SNTG1: variants seen among roughly 807,000 people sequenced by gnomAD.
The protein encoded by SNTG1 is gamma-1-syntrophin.
A neutral mutation model predicts 74.7 loss-of-function variants in SNTG1; 39 were observed. The observed-to-expected ratio is 0.52, with a 90% CI of 0.40 to 0.68. SNTG1 has a LOEUF of 0.68. Ranked by LOEUF, SNTG1 falls within the 30% of genes least tolerant of loss-of-function variation. SNTG1 has a pLI of 0.00. For synonymous variants in SNTG1, 254 were observed against 217.1 expected, an observed-to-expected ratio of 1.17 and a Z score of -1.49; for missense variants, 685 against 609.5, an observed-to-expected ratio of 1.12 and a Z score of -1.30.
chr8:50,119,124 T>C (rs957159135), intron 1 of SNTG1, among the ~76,000 whole-genome samples: 1 of 141,640 alleles, frequency 7.1e-6, no homozygotes, highest in Non-Finnish European at 1.6e-5. Flanking sequence ...AGTAATTTTA[T>C]GTTAACTATT....
chr8:50,594,444 A>C (rs2094713496), intron 13 of SNTG1, among the ~76,000 whole-genome samples: 1 of 152,252 alleles, frequency 6.6e-6, no homozygotes, highest in Admixed American at 6.5e-5. Flanking sequence ...TATACAAAAT[A>C]ATATAATCAA....
chr8:50,759,816 C>G (rs2095592692), intron 18 of SNTG1, among the ~76,000 whole-genome samples: 1 of 151,844 alleles, frequency 6.6e-6, no homozygotes, highest in African/African-American at 2.4e-5. Flanking sequence ...TAGGATTGTC[C>G]TGGCTATGTG....
At chr8:50,734,220 T>G (rs1439184963) in intron 17 of SNTG1, among the ~76,000 whole-genome samples, 1 of 151,744 alleles carries the variant, frequency 6.6e-6, no homozygotes, top group Non-Finnish European at 1.5e-5. Flanking sequence ...GTTAATGTAG[T>G]AAGAAACAAA....
At chr8:50,678,996 G>T (rs2095320727) in intron 15 of SNTG1, among the ~76,000 whole-genome samples, 1 of 151,844 alleles carries the variant, frequency 6.6e-6, no homozygotes, top group Non-Finnish European at 1.5e-5. Flanking sequence ...TGGTTAAAAT[G>T]GTTTTTAAAT....
At chr8:50,301,430 T>A (rs969619842) in intron 2 of SNTG1, among the ~76,000 whole-genome samples, 2 of 152,140 alleles carry the variant, frequency 1.3e-5, no homozygotes, top group Admixed American at 6.6e-5. Context: ...ATGATGTCTA[T>A]CTCTTTATTG....
intron 15 of SNTG1, among the ~76,000 whole-genome samples, chr8:50,670,566 T>C (rs917621338): frequency 1.3e-5 from 2 of 148,750 alleles, no homozygotes; most frequent in Admixed American, 6.7e-5. Flanking sequence ...TGGAAGAACA[T>C]TCCATGCTCA....
At chr8:50,450,866 C>A (rs1196499675) in intron 8 of SNTG1, 137 bp downstream of exon 8, 8 of 833,360 alleles carry the variant, frequency 9.6e-6, no homozygotes, top group Non-Finnish European at 1.5e-5. Context: ...CAAATGTTCT[C>A]TTAATTTTTT....
At chr8:50,541,185 G>A (rs1542614) in intron 11 of SNTG1, among the ~76,000 whole-genome samples, 57,127 of 151,442 alleles carry the variant, frequency 0.38, 13,771 homozygotes, top group African/African-American at 0.69. Context: ...TTGCAAAACT[G>A]TAATACAATA....
intron 1 of SNTG1, among the ~76,000 whole-genome samples, chr8:50,072,366 C>A (rs1369440342): frequency 6.6e-6 from 1 of 152,050 alleles, no homozygotes. Context: ...TGGTTCTATT[C>A]CATTTTACAC....
rs554718748 is a variant in SNTG1 at position 50,274,166 on chromosome 8, C to A, written c.-28+101531C>A. Among the ~76,000 whole-genome samples the A allele has an allele frequency of 1.5e-4, 23 of 152,112 alleles. 1 individual carries two copies. The South Asian group carries it at 4.6e-3, about 30-fold the overall frequency. ...GCAATGGCGAGATCTTGGCTCACTG[C>A]ACCCTCGCCTCCCAGGTTCAAGCGA... is the stretch of plus-strand genomic sequence containing the variant. On this transcript the variant is annotated intron_variant, in intron 2 of 18. Transcript: ENST00000642720.
At chr8:50,067,902 T>A (rs1407766029) in intron 1 of SNTG1, among the ~76,000 whole-genome samples, 1 of 152,196 alleles carries the variant, frequency 6.6e-6, no homozygotes, top group Non-Finnish European at 1.5e-5. Flanking sequence ...GCTGCATGAA[T>A]GATTGCAGAT....
At chr8:50,554,822 TAG>T (rs968250846) in intron 12 of SNTG1, among the ~76,000 whole-genome samples, 2 of 152,148 alleles carry the variant, frequency 1.3e-5, no homozygotes, top group Non-Finnish European at 2.9e-5. Context: ...CAGAAATGAT[TAG>T]AGTTTCTTAA....
At chr8:50,455,500 C>A (rs2093496859) in intron 8 of SNTG1, among the ~76,000 whole-genome samples, 1 of 152,100 alleles carries the variant, frequency 6.6e-6, no homozygotes, top group Non-Finnish European at 1.5e-5. Flanking sequence ...GACTGAGTAA[C>A]TAAAAGTATG....
intron 12 of SNTG1, among the ~76,000 whole-genome samples, chr8:50,576,326 T>C (rs1164423596): frequency 2.0e-5 from 3 of 152,230 alleles, no homozygotes; most frequent in African/African-American, 4.8e-5. Context: ...TTCTATTCTA[T>C]GTATCTATGT....
At chr8:50,180,894 G>A (rs1187704275) in intron 2 of SNTG1, among the ~76,000 whole-genome samples, 3 of 151,482 alleles carry the variant, frequency 2.0e-5, no homozygotes, top group Non-Finnish European at 2.9e-5. Context: ...CCGAGTAGCT[G>A]GGCTAACAGA....
chr8:50,537,418 T>C (rs762950262), intron 11 of SNTG1, among the ~76,000 whole-genome samples: 1 of 152,210 alleles, frequency 6.6e-6, no homozygotes, highest in Non-Finnish European at 1.5e-5. Flanking sequence ...TTATAAGATT[T>C]ATTTTCTGCT....
chr8:50,587,606 C>T (rs1563615557), intron 12 of SNTG1, among the ~76,000 whole-genome samples: 1 of 151,322 alleles, frequency 6.6e-6, no homozygotes, highest in Admixed American at 6.6e-5. Context: ...GGGCGGATCA[C>T]CTGAAGTCAG....
chr8:50,248,107 G>A (rs4873438), intron 2 of SNTG1, among the ~76,000 whole-genome samples: 41,607 of 151,936 alleles, frequency 0.27, 5,730 homozygotes, highest in Middle Eastern at 0.37. Flanking sequence ...TATTGAATTA[G>A]GGTCCACACA....
chr8:50,327,751 T>A (rs1392220962), intron 2 of SNTG1, among the ~76,000 whole-genome samples: 2 of 152,130 alleles, frequency 1.3e-5, no homozygotes, highest in African/African-American at 4.8e-5. Flanking sequence ...TTCCATTCTG[T>A]TTCTGCATTT....
Sources: allele counts gnomAD v4.1 joint callset (sites outside exome capture counted in the v4.1 genomes callset), GRCh38; gene constraint gnomAD v4.1.1; transcripts MANE v1.5; gene names NCBI Gene and HGNC (gene_info 2026-07-23, HGNC 2026-07-21).